NRXN3: variants seen among roughly 807,000 people sequenced by gnomAD.
NRXN3 encodes the protein neurexin 3, also known as neurexin III.
Under a neutral mutation model 137.6 loss-of-function variants are expected in NRXN3, and 32 were observed. The observed-to-expected ratio is 0.23, with a 90% CI of 0.18 to 0.31. NRXN3 has a LOEUF of 0.31. Among genes scored for constraint, NRXN3 ranks in the 10% least tolerant of loss-of-function variants. The pLI is 1.00. For synonymous variants in NRXN3, 798 were observed against 784.5 expected, an observed-to-expected ratio of 1.02 and a Z score of -0.29; for missense variants, 1,574 against 2,062.5, an observed-to-expected ratio of 0.76 and a Z score of 4.59.
chr14:79,368,501 A>G (rs192683392), intron 15 of NRXN3, among the ~76,000 whole-genome samples: 14 of 152,360 alleles, frequency 9.2e-5, no homozygotes, highest in East Asian at 5.8e-4. Flanking sequence ...TTTAAGTGCC[A>G]TAATTGTACA....
chr14:78,593,179 A>C (rs2097131449), intron 4 of NRXN3, among the ~76,000 whole-genome samples: 1 of 152,148 alleles, frequency 6.6e-6, no homozygotes, highest in Admixed American at 6.5e-5. Flanking sequence ...TGTTTGTGTA[A>C]AATATTGAAC....
At chr14:78,747,963 C>T (rs949395618) in intron 8 of NRXN3, among the ~76,000 whole-genome samples, 4 of 152,148 alleles carry the variant, frequency 2.6e-5, no homozygotes, top group Admixed American at 2.6e-4. Context: ...AAAGCACTTT[C>T]ATTTTCATTT....
At position 79,365,914 on chromosome 14, in the gene NRXN3, G is replaced by A. The variant is rs78427129; in HGVS notation, c.3263-101307G>A. On this transcript the variant is annotated intron_variant, in intron 15 of 20. Transcript: ENST00000335750. ...CTGTGAAAGAGGTTAAGATCAGACC[G>A]CTTTCTGATTGCAGAGATAAAATTG... is the stretch of plus-strand genomic sequence containing the variant. 8.3e-3 allele frequency among the ~76,000 whole-genome samples: 1,261 copies of A among 151,818 alleles called. 25 individuals are homozygous for A. Among genetic ancestry groups the A allele is most frequent in the South Asian group, 0.083 (396 of 4,788 alleles).
At position 79,569,626 on chromosome 14, in the gene NRXN3, TGTGTGA is replaced by T. The variant is rs1442736787; in HGVS notation, c.3445-94150_3445-94145del. ...ACGTGTGTGTGTGTGTGTGTGTGTG[TGTGTGA>T]GAGAGAGAGAGAGAGAGACAGAGAG... On this transcript the variant is annotated intron_variant, in intron 16 of 20. Coordinates refer to ENST00000335750, the MANE Select transcript of NRXN3 (RefSeq NM_001330195.2). Among the ~76,000 whole-genome samples, 389 of 147,104 alleles carry T rather than the reference TGTGTGA, an allele frequency of 2.6e-3. 11 individuals are homozygous for T. The East Asian group carries it at 0.053, about 20-fold the overall frequency.
chr14:79,060,484 T>A (rs6574479), intron 15 of NRXN3, among the ~76,000 whole-genome samples: 150,921 of 152,328 alleles, frequency 0.99, 74,788 homozygotes, highest in Middle Eastern at 1. Flanking sequence ...TCTCTATTCC[T>A]ATGATGGATG....
At chr14:78,173,022 TG>T (rs1187120735) in intron 1 of NRXN3, among the ~76,000 whole-genome samples, 2 of 152,060 alleles carry the variant, frequency 1.3e-5, no homozygotes, top group East Asian at 3.9e-4. Flanking sequence ...GACTGATGCT[TG>T]GGGTTTTGAG....
intron 15 of NRXN3, among the ~76,000 whole-genome samples, chr14:79,195,261 G>A (rs1231061891): frequency 6.6e-6 from 1 of 152,148 alleles, no homozygotes; most frequent in East Asian, 1.9e-4. Context: ...TCTACCACTT[G>A]CCATCATCTA....
In NRXN3 at chr14:78,891,750, C is replaced by T. The variant is rs193198724; in HGVS notation, c.2276-65492C>T. On this transcript the variant is annotated intron_variant, in intron 10 of 20. Coordinates refer to ENST00000335750, the MANE Select transcript of NRXN3 (RefSeq NM_001330195.2). Reference sequence around the variant, plus strand: ...TGCCAAATGTGAGATGATTAAGAAACCTGCTTAAACTTTAAATATTCTTAC... The same window carrying T: ...TGCCAAATGTGAGATGATTAAGAAATCTGCTTAAACTTTAAATATTCTTAC... 1.7e-3 allele frequency among the ~76,000 whole-genome samples: 265 copies of T among 152,060 alleles called. 1 individual carries two copies. Among genetic ancestry groups the T allele is most frequent in the African/African-American group, 5.6e-3 (233 of 41,524 alleles).
At chr14:79,047,080 T>C (rs139578864) in intron 15 of NRXN3, among the ~76,000 whole-genome samples, 3 of 151,662 alleles carry the variant, frequency 2.0e-5, no homozygotes, top group East Asian at 1.9e-4. Flanking sequence ...TCCCAATATA[T>C]AGATTTTATT....
intron 4 of NRXN3, among the ~76,000 whole-genome samples, chr14:78,414,799 G>A (rs1410276686): frequency 6.6e-6 from 1 of 151,834 alleles, no homozygotes; most frequent in Non-Finnish European, 1.5e-5. Context: ...AAGAGAAACT[G>A]AGGAAAAACC....
chr14:79,331,186 T>C (rs551823410), intron 15 of NRXN3, among the ~76,000 whole-genome samples: 1 of 152,364 alleles, frequency 6.6e-6, no homozygotes, highest in South Asian at 2.1e-4. Flanking sequence ...GTAAATATTT[T>C]GTCTATGTGG....
At chr14:78,376,614 C>T (rs985349717) in intron 4 of NRXN3, among the ~76,000 whole-genome samples, 2 of 152,128 alleles carry the variant, frequency 1.3e-5, no homozygotes, top group African/African-American at 2.4e-5. Flanking sequence ...TTTCTTTTGC[C>T]TCCTGTATTC....
intron 1 of NRXN3, among the ~76,000 whole-genome samples, chr14:78,173,260 A>G (rs868830141): frequency 2.0e-5 from 3 of 152,016 alleles, no homozygotes; most frequent in Non-Finnish European, 4.4e-5. Flanking sequence ...AAAATCCATT[A>G]TCTATAAAAA....
intron 10 of NRXN3, among the ~76,000 whole-genome samples, chr14:78,903,207 G>A (rs2099203256): frequency 7.1e-6 from 1 of 140,446 alleles, no homozygotes; most frequent in African/African-American, 2.7e-5. Flanking sequence ...GGATTGCAGT[G>A]GTGTGATTAT....
chr14:79,221,271 T>TAATGGGATTGCTGGGTCA (rs1399016473), intron 15 of NRXN3, among the ~76,000 whole-genome samples: 44 of 152,286 alleles, frequency 2.9e-4, no homozygotes, highest in African/African-American at 1.0e-3. Flanking sequence ...ATATATCCAG[T>TAATGGGATTGCTGGGTCA]AATGGGATTG....
At chr14:78,771,361 A>C (rs1329935756) in intron 8 of NRXN3, among the ~76,000 whole-genome samples, 1 of 152,156 alleles carries the variant, frequency 6.6e-6, no homozygotes, top group Non-Finnish European at 1.5e-5. Flanking sequence ...ATCCACATAC[A>C]TTTATTTATC....
chr14:78,572,645 G>C (rs1441305323), intron 4 of NRXN3, among the ~76,000 whole-genome samples: 1 of 152,220 alleles, frequency 6.6e-6, no homozygotes, highest in African/African-American at 2.4e-5. Context: ...CTGAGATATA[G>C]AGTAAGCTCA....
At chr14:79,063,246 G>T (rs561019292) in intron 15 of NRXN3, among the ~76,000 whole-genome samples, 1 of 152,198 alleles carries the variant, frequency 6.6e-6, no homozygotes, top group South Asian at 2.1e-4. Flanking sequence ...GTGAGGTTAG[G>T]CAAGCAAGGA....
At chr14:79,235,014 A>AT (rs964666001) in intron 15 of NRXN3, among the ~76,000 whole-genome samples, 2 of 151,796 alleles carry the variant, frequency 1.3e-5, no homozygotes, top group African/African-American at 4.9e-5. Flanking sequence ...ATTTTAAATA[A>AT]TTTTTAAAAC....
Sources: gnomAD v4.1 joint callset for allele counts (sites outside exome capture counted in the v4.1 genomes callset) on GRCh38, gnomAD v4.1.1 for gene constraint, MANE v1.5 for transcripts, NCBI Gene and HGNC (gene_info 2026-07-23, HGNC 2026-07-21) for gene names.